FBN1: variants seen among roughly 807,000 people sequenced by gnomAD.
FBN1 encodes the protein fibrillin-1.
A neutral mutation model predicts 365.1 loss-of-function variants in FBN1; 29 were observed. That is an observed-to-expected ratio of 0.08 (90% CI 0.06 to 0.11). The LOEUF (loss-of-function observed/expected upper bound fraction) is 0.11, where lower values mean the gene tolerates loss of function less well. Among genes scored for constraint, FBN1 ranks in the 10% least tolerant of loss-of-function variants. FBN1 has a pLI of 1.00. For synonymous variants in FBN1, 1,210 were observed against 1,270.5 expected (o/e 0.95, Z 1.01); for missense variants, 2,476 against 3,703.2 (o/e 0.67, Z 8.60).
At chr15:48,608,383 G>A (rs1287613533) in intron 4 of FBN1, among the ~76,000 whole-genome samples, 1 of 152,176 alleles carries the variant, frequency 6.6e-6, no homozygotes, top group East Asian at 1.9e-4. Flanking sequence ...ATTTCACTGA[G>A]TAGAATTGTC....
intron 8 of FBN1, among the ~76,000 whole-genome samples, chr15:48,527,350 G>A (rs189938362): frequency 2.6e-5 from 4 of 152,092 alleles, no homozygotes; most frequent in Non-Finnish European, 2.9e-5. Flanking sequence ...CAACAGATAC[G>A]GCACCAGCAG....
chr15:48,422,160 G>T, intron 60 of FBN1, 92 bp from the exon 61 acceptor site: 1 of 862,434 alleles, frequency 1.2e-6, no homozygotes, highest in Non-Finnish European at 2.0e-6. Flanking sequence ...GTTTGATTTG[G>T]AGGTCTCAAA....
At chr15:48,445,559 A>G in intron 47 of FBN1, 55 bp from the exon 48 acceptor site, 1 of 1,585,364 alleles carries the variant, frequency 6.3e-7, no homozygotes, top group Non-Finnish European at 8.7e-7. Context: ...TCATAATCCC[A>G]GCAATAATCA....
chr15:48,483,261 T>C lies in FBN1; in HGVS notation c.3838+557A>G, dbSNP rs376868788. Among the ~76,000 whole-genome samples, 5 of 152,166 alleles carry C rather than the reference T, an allele frequency of 3.3e-5. No homozygotes were observed. The East Asian group carries it at 7.7e-4, about 23-fold the overall frequency. Reference sequence around the variant, plus strand: ...TGTGTTCAAACAGCTAGAGGAATGATTGAACTTATGCAGAGACACAGAATA... The same window carrying C: ...TGTGTTCAAACAGCTAGAGGAATGACTGAACTTATGCAGAGACACAGAATA... On this transcript the variant is annotated intron_variant, in intron 31 of 65. Transcript: ENST00000316623.
chr15:48,435,772 A>ATGTGTG (rs374043226), intron 53 of FBN1, among the ~76,000 whole-genome samples: 4,531 of 106,064 alleles, frequency 0.043, 156 homozygotes, highest in Middle Eastern at 0.071. Flanking sequence ...ATATGTGTAT[A>ATGTGTG]TGTGTGTGTG....
At chr15:48,430,881 ATG>A (rs2043018894) in intron 55 of FBN1, 79 bp from the exon 56 acceptor site, 2 of 1,443,176 alleles carry the variant, frequency 1.4e-6, no homozygotes, top group Admixed American at 3.5e-5. Context: ...TAAACATAAA[ATG>A]TTAGTAAGTA....
chr15:48,562,053 AG>A (rs2140657813), intron 6 of FBN1, among the ~76,000 whole-genome samples: 1 of 152,268 alleles, frequency 6.6e-6, no homozygotes, highest in African/African-American at 2.4e-5. Context: ...TCATGACGTA[AG>A]TTGTCAGTAG....
At chr15:48,627,240 T>C (rs1889902327) in intron 2 of FBN1, among the ~76,000 whole-genome samples, 2 of 152,236 alleles carry the variant, frequency 1.3e-5, no homozygotes, top group Admixed American at 1.3e-4. Flanking sequence ...TTTGGAAGTG[T>C]ATTAGCAAAG....
Position 48,485,365 on chromosome 15 carries a change from C to T in FBN1, c.3712+9G>A, listed in dbSNP as rs769251450. On this transcript the variant is annotated intron_variant, in intron 30 of 65. Coordinates refer to ENST00000316623, the MANE Select transcript of FBN1 (RefSeq NM_000138.5). ...TGAGAGATTCAACATGAGGCTAGAACCTACTCACCGGTGCATGATCTCTGG... is the reference window on the plus strand; with the variant it reads ...TGAGAGATTCAACATGAGGCTAGAATCTACTCACCGGTGCATGATCTCTGG... 4 of 1,614,154 alleles carry T rather than the reference C, an allele frequency of 2.5e-6. No individual in the cohort carries two copies. Among genetic ancestry groups the T allele is most frequent in the Non-Finnish European group, 3.4e-6 (4 of 1,180,026 alleles).
intron 63 of FBN1, among the ~76,000 whole-genome samples, chr15:48,418,943 T>G (rs779299225): frequency 6.6e-6 from 1 of 152,164 alleles, no homozygotes; most frequent in Non-Finnish European, 1.5e-5. Context: ...TCTATCTATC[T>G]GCAAGCTGAA....
At position 48,485,393 on chromosome 15, in the gene FBN1, A is replaced by G. The variant is rs1364910158; in HGVS notation, c.3693T>C (p.Pro1231=). 1.9e-6 allele frequency: 3 copies of G among 1,614,212 alleles called. No homozygotes were observed. In the East Asian group the frequency reaches 6.7e-5, roughly 36 times the overall value. ...CSCQPGFALM[P]DQRSCTDIDE... is the part of the protein sequence containing the mutation. ...ACTCACCGGTGCATGATCTCTGGTC[A>G]GGCATTAGTGCAAATCCCGGCTGAC... Residue 1231 remains proline (P), a synonymous_variant, in exon 30 of 66, where the codon CCT becomes CCC. Transcript: ENST00000316623.
At chr15:48,609,035 C>T (rs994563434) in intron 4 of FBN1, among the ~76,000 whole-genome samples, 9 of 152,194 alleles carry the variant, frequency 5.9e-5, no homozygotes, top group African/African-American at 1.9e-4. Context: ...GGGGTCTATT[C>T]CCAACTTTAT....
chr15:48,552,275 T>C lies in FBN1; in HGVS notation c.539-14467A>G, dbSNP rs28699413. Among the ~76,000 whole-genome samples the C allele has an allele frequency of 4.8e-5, 7 of 147,296 alleles. No homozygotes were observed. The South Asian group carries it at 1.5e-3, about 32-fold the overall frequency. ...ACCTCAGTTTCAATGACTTTTTTTT[T>C]CTTTTTTTTTTTTTTGAGACAGAAT... On this transcript the variant is annotated intron_variant, in intron 6 of 65. Coordinates refer to ENST00000316623, the MANE Select transcript of FBN1 (RefSeq NM_000138.5).
intron 6 of FBN1, among the ~76,000 whole-genome samples, chr15:48,554,627 G>A (rs1001312857): frequency 2.0e-5 from 3 of 152,156 alleles, no homozygotes; most frequent in Non-Finnish European, 2.9e-5. Context: ...TACTGCTTAG[G>A]TTGGGCAGTA....
chr15:48,579,072 C>T (rs2044371817), intron 6 of FBN1, among the ~76,000 whole-genome samples: 1 of 150,520 alleles, frequency 6.6e-6, no homozygotes, highest in African/African-American at 2.4e-5. Context: ...CTTGTTAAAG[C>T]TCGCAGACAC....
intron 55 of FBN1, 134 bp from the exon 56 acceptor site, chr15:48,430,936 C>T: frequency 1.2e-6 from 1 of 840,038 alleles, no homozygotes; most frequent in Non-Finnish European, 1.9e-6. Context: ...GTATTTCCTT[C>T]TGCTCTGTTG....
At chr15:48,469,067 CAAAAAA>C (rs56789154) in intron 36 of FBN1, among the ~76,000 whole-genome samples, 8 of 90,692 alleles carry the variant, frequency 8.8e-5, no homozygotes, top group South Asian at 3.1e-4. Context: ...GACTCCGTCT[CAAAAAA>C]AAAAAAATAT....
intron 43 of FBN1, among the ~76,000 whole-genome samples, chr15:48,459,364 G>A (rs1445475242): frequency 6.6e-6 from 1 of 152,310 alleles, no homozygotes; most frequent in East Asian, 1.9e-4. Flanking sequence ...TTCTTTGGAC[G>A]TGGACGAGAC....
At chr15:48,564,559 T>C (rs1275822934) in intron 6 of FBN1, among the ~76,000 whole-genome samples, 2 of 152,132 alleles carry the variant, frequency 1.3e-5, no homozygotes, top group Non-Finnish European at 2.9e-5. Context: ...TTATTGTCTA[T>C]TAATATAAAA....
Sources: allele counts gnomAD v4.1 joint callset (sites outside exome capture counted in the v4.1 genomes callset), GRCh38; gene constraint gnomAD v4.1.1; transcripts MANE v1.5; gene names NCBI Gene and HGNC (gene_info 2026-07-23, HGNC 2026-07-21).